The following YIPF7 variants were observed in gnomAD, a reference collection of about 807,000 sequenced individuals.
The protein encoded by YIPF7 is protein YIPF7.
A neutral mutation model predicts 27.2 loss-of-function variants in YIPF7; 35 were observed. The ratio of observed to expected loss-of-function variants is 1.29; its 90% CI spans 0.98 to 1.70. The LOEUF is 1.70. Ranked by LOEUF, YIPF7 falls within the 40% of genes most tolerant of loss-of-function variation. The pLI, the probability that YIPF7 is intolerant of heterozygous loss-of-function variation, is 0.00. For missense variants in YIPF7, 358 were observed against 303.7 expected, an observed-to-expected ratio of 1.18 and a Z score of -1.33; for synonymous variants, 137 against 110.4, an observed-to-expected ratio of 1.24 and a Z score of -1.51.
At chr4:44,637,602 G>C (rs1489670850) in intron 2 of YIPF7, among the ~76,000 whole-genome samples, 6 of 151,706 alleles carry the variant, frequency 4.0e-5, no homozygotes, top group Non-Finnish European at 8.8e-5. Flanking sequence ...AAAAAATTTT[G>C]TATTTCCATA....
At chr4:44,637,747 C>T (rs1165794758) in intron 2 of YIPF7, among the ~76,000 whole-genome samples, 1 of 152,156 alleles carries the variant, frequency 6.6e-6, no homozygotes, top group African/African-American at 2.4e-5. Flanking sequence ...CACACCCCTC[C>T]CATCCTTTCT....
chr4:44,640,731 A>G (rs1713295826), intron 2 of YIPF7, among the ~76,000 whole-genome samples: 1 of 152,096 alleles, frequency 6.6e-6, no homozygotes, highest in Non-Finnish European at 1.5e-5. Flanking sequence ...CATCCTGCTC[A>G]AGTAGGAGGA....
intron 2 of YIPF7, among the ~76,000 whole-genome samples, chr4:44,643,728 C>T (rs1363098610): frequency 6.6e-6 from 1 of 152,264 alleles, no homozygotes; most frequent in East Asian, 1.9e-4. Flanking sequence ...CCAGCTCCAG[C>T]CTTGGGGCAA....
intron 4 of YIPF7, 84 bp from the exon 5 acceptor site, chr4:44,624,866 T>TA: frequency 7.6e-7 from 1 of 1,319,324 alleles, no homozygotes; most frequent in African/African-American, 1.5e-5. Flanking sequence ...GAGAGCATCT[T>TA]AGAGTCAGTT....
chr4:44,649,777 A>T (rs760893855), intron 2 of YIPF7, among the ~76,000 whole-genome samples: 1 of 152,092 alleles, frequency 6.6e-6, no homozygotes. Context: ...AAAGCAATTG[A>T]CACTTTGTTG....
intron 2 of YIPF7, among the ~76,000 whole-genome samples, chr4:44,657,549 A>G (rs1044238186): frequency 6.6e-6 from 1 of 152,182 alleles, no homozygotes; most frequent in African/African-American, 2.4e-5. Flanking sequence ...AATGTGAAAA[A>G]CTAATGCTTG....
chr4:44,632,470 T>G lies in YIPF7; in HGVS notation c.281-2922A>C, dbSNP rs545243680. ...CTGACAGACTTGAATTTATTATTATTCTTGAAAATGCATTTGTTAACATAT... is the reference window on the plus strand; with the variant it reads ...CTGACAGACTTGAATTTATTATTATGCTTGAAAATGCATTTGTTAACATAT... On this transcript the variant is annotated intron_variant, in intron 3 of 5. Coordinates refer to ENST00000415895, the MANE Select transcript of YIPF7 (RefSeq NM_182592.3). Among the ~76,000 whole-genome samples, 165 of 152,346 alleles carry G rather than the reference T, an allele frequency of 1.1e-3. 1 individual carries two copies. Among genetic ancestry groups the G allele is most frequent in the African/African-American group, 3.9e-3 (161 of 41,588 alleles).
In YIPF7 at chr4:44,646,166, T is replaced by C. The variant is rs73177654; in HGVS notation, c.116+3819A>G. ...CAACATAGAATTAACTAGTTAAACA[T>C]AACTGATTCAAAACCTTATCTGTGT... On this transcript the variant is annotated intron_variant, in intron 2 of 5. Transcript: ENST00000415895. Among the ~76,000 whole-genome samples, 309 of 152,326 alleles carry C rather than the reference T, an allele frequency of 2.0e-3. 3 individuals carry two copies. Among genetic ancestry groups the C allele is most frequent in the African/African-American group, 6.7e-3 (279 of 41,568 alleles).
At chr4:44,652,520 A>T (rs1235684410), upstream of YIPF7, among the ~76,000 whole-genome samples, 1 of 152,268 alleles carries the variant, frequency 6.6e-6, no homozygotes, top group Non-Finnish European at 1.5e-5. Flanking sequence ...AACTGGAGCC[A>T]ACAGCAGAAT....
chr4:44,650,140 C>A, intron 1 of YIPF7, 39 bp from the exon 2 acceptor site: 2 of 1,193,352 alleles, frequency 1.7e-6, no homozygotes, highest in South Asian at 2.7e-5. Flanking sequence ...GTTCATGAGT[C>A]AATAAAACTT....
At chr4:44,623,997 T>C (rs1463164877) in intron 5 of YIPF7, among the ~76,000 whole-genome samples, 2 of 151,978 alleles carry the variant, frequency 1.3e-5, no homozygotes, top group African/African-American at 2.4e-5. Context: ...ATTTTACACA[T>C]GACAATAGTT....
chr4:44,638,114 G>C (rs1713196294), intron 2 of YIPF7, among the ~76,000 whole-genome samples: 1 of 151,776 alleles, frequency 6.6e-6, no homozygotes, highest in African/African-American at 2.4e-5. Context: ...AATAATCAGG[G>C]AAATGCAAAT....
At chr4:44,631,410 A>G (rs1712892959) in intron 3 of YIPF7, among the ~76,000 whole-genome samples, 1 of 152,134 alleles carries the variant, frequency 6.6e-6, no homozygotes, top group Non-Finnish European at 1.5e-5. Context: ...TATCATCTAA[A>G]TACCTTGAAA....
intron 5 of YIPF7, among the ~76,000 whole-genome samples, chr4:44,622,956 A>G (rs1334216246): frequency 6.6e-6 from 1 of 152,202 alleles, no homozygotes; most frequent in Non-Finnish European, 1.5e-5. Context: ...ATTGGCCAAC[A>G]GCGTAGGAGA....
intron 3 of YIPF7, among the ~76,000 whole-genome samples, chr4:44,632,240 T>C (rs143797266): frequency 0.014 from 2,073 of 152,244 alleles, 23 homozygotes; most frequent in Middle Eastern, 0.031. Flanking sequence ...TTGTACAAAA[T>C]AAAAGAAGAT....
chr4:44,643,137 C>T (rs1034163799), intron 2 of YIPF7, among the ~76,000 whole-genome samples: 34 of 152,196 alleles, frequency 2.2e-4, no homozygotes, highest in South Asian at 4.1e-4. Context: ...AAAATGCTGA[C>T]GGTGATATGG....
chr4:44,633,401 T>C (rs1353533368), intron 3 of YIPF7, among the ~76,000 whole-genome samples: 2 of 152,130 alleles, frequency 1.3e-5, no homozygotes, highest in African/African-American at 4.8e-5. Flanking sequence ...AAAAGATTAC[T>C]TTCAACAAAT....
intron 2 of YIPF7, among the ~76,000 whole-genome samples, chr4:44,648,381 T>C (rs1231986806): frequency 6.6e-5 from 10 of 152,152 alleles, no homozygotes; most frequent in Non-Finnish European, 1.5e-5. Context: ...TTTGGGGACA[T>C]TTCAGATTCT....
At chr4:44,645,778 C>T (rs879461926) in intron 2 of YIPF7, among the ~76,000 whole-genome samples, 27 of 151,792 alleles carry the variant, frequency 1.8e-4, no homozygotes, top group Non-Finnish European at 3.2e-4. Flanking sequence ...TTCAAACTAC[C>T]GAGAAGTGAC....
Sources: gnomAD v4.1 joint callset for allele counts (sites outside exome capture counted in the v4.1 genomes callset) on GRCh38, gnomAD v4.1.1 for gene constraint, MANE v1.5 for transcripts, NCBI Gene and HGNC (gene_info 2026-07-23, HGNC 2026-07-21) for gene names.